The following ADAMTSL1 variants were observed in gnomAD, a reference collection of about 807,000 sequenced individuals.
The protein encoded by ADAMTSL1 is ADAMTS like 1.
ADAMTSL1 carries 126 observed loss-of-function variants against 201.8 expected under a neutral mutation model. The observed-to-expected ratio is 0.62, with a 90% confidence interval of 0.54 to 0.72. The LOEUF is 0.72. Among genes scored for constraint, ADAMTSL1 ranks in the 30% least tolerant of loss-of-function variants. The pLI, the probability that ADAMTSL1 is intolerant of heterozygous loss-of-function variation, is 0.00. For missense variants in ADAMTSL1, 2,679 were observed against 2,277.8 expected (o/e 1.18, Z -3.59); for synonymous variants, 1,121 against 903.4 (o/e 1.24, Z -4.32).
chr9:18,311,949 C>A (rs1425469984), intron 2 of ADAMTSL1, among the ~76,000 whole-genome samples: 1 of 152,180 alleles, frequency 6.6e-6, no homozygotes, highest in African/African-American at 2.4e-5. Flanking sequence ...TGGAAAGGCA[C>A]AGACAATTAC....
chr9:18,830,268 T>G (rs892719770), intron 23 of ADAMTSL1, among the ~76,000 whole-genome samples: 1 of 152,196 alleles, frequency 6.6e-6, no homozygotes, highest in Non-Finnish European at 1.5e-5. Context: ...GATTGACTCT[T>G]GAAACTTTGA....
intron 1 of ADAMTSL1, among the ~76,000 whole-genome samples, chr9:18,156,633 C>A (rs1451328422): frequency 5.5e-5 from 4 of 73,234 alleles, no homozygotes; most frequent in African/African-American, 1.2e-4. Context: ...CAGACATAAA[C>A]ACATACACAC....
At chr9:17,974,422 C>A (rs1158311236) in intron 1 of ADAMTSL1, among the ~76,000 whole-genome samples, 1 of 151,986 alleles carries the variant, frequency 6.6e-6, no homozygotes, top group Non-Finnish European at 1.5e-5. Flanking sequence ...TAATTTTCTG[C>A]AATACGGTGT....
At chr9:18,233,715 TGAG>T (rs1257643526) in intron 2 of ADAMTSL1, among the ~76,000 whole-genome samples, 1 of 152,174 alleles carries the variant, frequency 6.6e-6, no homozygotes, top group African/African-American at 2.4e-5. Flanking sequence ...CCCTAAAGGC[TGAG>T]AAGAAGCCAG....
chr9:18,057,264 G>C (rs1822236262), intron 1 of ADAMTSL1, among the ~76,000 whole-genome samples: 1 of 152,188 alleles, frequency 6.6e-6, no homozygotes, highest in South Asian at 2.1e-4. Flanking sequence ...TATTGAGTCA[G>C]ACGATTTTTC....
At chr9:18,517,546 C>G (rs1350299494) in intron 2 of ADAMTSL1, among the ~76,000 whole-genome samples, 2 of 150,952 alleles carry the variant, frequency 1.3e-5, no homozygotes, top group African/African-American at 4.9e-5. Flanking sequence ...TTAGGTGTAT[C>G]TCCCAATGCT....
chr9:18,250,640 G>A (rs1831428334), intron 2 of ADAMTSL1, among the ~76,000 whole-genome samples: 1 of 152,052 alleles, frequency 6.6e-6, no homozygotes, highest in African/African-American at 2.4e-5. Flanking sequence ...ACCTGAATCA[G>A]TGCTGTGGAT....
In ADAMTSL1 at chr9:18,317,444, T is replaced by C. The variant is rs1397571931; in HGVS notation, c.207+153463T>C. ...CACACGTACATGAGCAAATTTTAAC[T>C]AAGTTTGGTGATGGATGAGTTAGCT... On this transcript the variant is annotated intron_variant, in intron 2 of 29. Coordinates refer to the ADAMTSL1 transcript ENST00000680146. Among the ~76,000 whole-genome samples, 5 of 152,194 alleles carry C rather than the reference T, an allele frequency of 3.3e-5. No individual in the cohort carries two copies. In the South Asian group the frequency reaches 8.4e-4, roughly 25 times the overall value.
chr9:18,253,272 T>C (rs1831538510), intron 2 of ADAMTSL1, among the ~76,000 whole-genome samples: 1 of 152,170 alleles, frequency 6.6e-6, no homozygotes, highest in African/African-American at 2.4e-5. Context: ...ATGTTAACAT[T>C]GGTTACCTCA....
chr9:18,254,345 GTTTTTTTTTTTTTTTTTTTT>G (rs59026505), intron 2 of ADAMTSL1, among the ~76,000 whole-genome samples: 3 of 49,330 alleles, frequency 6.1e-5, no homozygotes, highest in Admixed American at 3.8e-4. Context: ...ACTCTTTTTG[GTTTTTTTTTTTTTTTTTTTT>G]TTTTTTTTTT....
intron 1 of ADAMTSL1, among the ~76,000 whole-genome samples, chr9:17,980,340 T>C (rs1327764393): frequency 1.3e-5 from 2 of 152,188 alleles, no homozygotes; most frequent in African/African-American, 4.8e-5. Context: ...CTCTTTTTAT[T>C]CTGCATTTTC....
chr9:18,450,416 CAATT>C lies in ADAMTSL1; in HGVS notation c.208-54409_208-54406del, dbSNP rs1384228959. Among the ~76,000 whole-genome samples the C allele has an allele frequency of 2.0e-5, 3 of 152,010 alleles. No individual in the cohort carries two copies. In the East Asian group the frequency reaches 5.8e-4, roughly 29 times the overall value. On this transcript the variant is annotated intron_variant, in intron 2 of 29. Coordinates refer to the ADAMTSL1 transcript ENST00000680146. ...TTTATAGGTACAAATTTAGCTCACT[CAATT>C]AATGAAAATATATTTGCCATGTAAG...
intron 2 of ADAMTSL1, among the ~76,000 whole-genome samples, chr9:18,282,895 C>G (rs1563856425): frequency 6.6e-6 from 1 of 152,088 alleles, no homozygotes; most frequent in African/African-American, 2.4e-5. Flanking sequence ...GAAACTCCGT[C>G]TCAAAAAAGA....
chr9:18,639,545 C>G, intron 7 of ADAMTSL1, 134 bp downstream of exon 7: 3 of 1,050,440 alleles, frequency 2.9e-6, no homozygotes, highest in Non-Finnish European at 4.1e-6. Context: ...AATGTTTAAT[C>G]TGAGGGTGTT....
chr9:17,920,975 C>T (rs143644002), intron 1 of ADAMTSL1, among the ~76,000 whole-genome samples: 2 of 152,186 alleles, frequency 1.3e-5, no homozygotes, highest in African/African-American at 4.8e-5. Context: ...TTAAATTCAC[C>T]ATGCTAGGTT....
intron 1 of ADAMTSL1, among the ~76,000 whole-genome samples, chr9:18,156,871 C>G (rs534929476): frequency 6.6e-6 from 1 of 152,144 alleles, no homozygotes; most frequent in African/African-American, 2.4e-5. Flanking sequence ...GAATCCTGTT[C>G]CCTTCGTGAA....
intron 2 of ADAMTSL1, among the ~76,000 whole-genome samples, chr9:18,250,140 C>T (rs1162128959): frequency 1.3e-5 from 2 of 152,182 alleles, no homozygotes; most frequent in Non-Finnish European, 2.9e-5. Context: ...TAAATTTTCT[C>T]ATTCTATTTT....
intron 2 of ADAMTSL1, among the ~76,000 whole-genome samples, chr9:18,245,436 A>C (rs979164059): frequency 8.5e-5 from 13 of 152,050 alleles, no homozygotes; most frequent in South Asian, 6.2e-4. Context: ...CTCCATAGCT[A>C]CTCGGGGTTT....
At chr9:18,716,173 A>C (rs1444013571) in intron 14 of ADAMTSL1, among the ~76,000 whole-genome samples, 1 of 152,006 alleles carries the variant, frequency 6.6e-6, no homozygotes, top group Non-Finnish European at 1.5e-5. Flanking sequence ...GGACATAGGC[A>C]TGGGCAAGGA....
Sources: allele counts gnomAD v4.1 joint callset (sites outside exome capture counted in the v4.1 genomes callset), GRCh38; gene constraint gnomAD v4.1.1; transcripts MANE v1.5; gene names NCBI Gene and HGNC (gene_info 2026-07-23, HGNC 2026-07-21).